Variants in LINC00632 observed in about 807,000 individuals in gnomAD.
The protein encoded by LINC00632 is long independently transcribed non-coding RNA 632, also known as ALDOA related specific transcript.
intron 2 of LINC00632, among the ~76,000 whole-genome samples, chrX:140,720,789 G>A (rs970589572): frequency 1.8e-5 from 2 of 111,835 alleles, no homozygotes; most frequent in Non-Finnish European, 3.8e-5. Flanking sequence ...AACAAAGACT[G>A]GTCCTGAAAA....
At chrX:140,764,680 C>T (rs1464110342) in intron 3 of LINC00632, 1 of 112,043 alleles carries the variant, frequency 8.9e-6, no homozygotes, top group Non-Finnish European at 1.9e-5. Context: ...GATTGCGTGG[C>T]TCGGAGCAGC....
Position 140,717,328 on chromosome X carries a change from T to C in LINC00632, n.104+5672T>C, listed in dbSNP as rs555795405. 1.8e-3 allele frequency among the ~76,000 whole-genome samples: 197 copies of C among 110,372 alleles called. 6 individuals are homozygous for C. In the South Asian group the frequency reaches 0.075, roughly 42 times the overall value. ...CATGCTTGTCCCATAAAGAACTACA[T>C]GCCCCACATCGCCTAAGTTGCCCAT... is the stretch of plus-strand genomic sequence containing the variant. On this transcript the variant is annotated intron_variant and non_coding_transcript_variant, in intron 2 of 4. Transcript: ENST00000648200.
At chrX:140,755,168 C>G (rs1198334207) in intron 3 of LINC00632, among the ~76,000 whole-genome samples, 4 of 112,013 alleles carry the variant, frequency 3.6e-5, no homozygotes, top group Non-Finnish European at 3.8e-5. Context: ...CTTCCTGACA[C>G]TACAGGTGCT....
At chrX:140,723,979 A>G (rs1930834992) in intron 2 of LINC00632, among the ~76,000 whole-genome samples, 1 of 109,715 alleles carries the variant, frequency 9.1e-6, no homozygotes, top group African/African-American at 3.3e-5. Context: ...TTCCATACAC[A>G]CACACATTCC....
At chrX:140,712,183 C>CA (rs984501847) in intron 2 of LINC00632, 4 of 109,950 alleles carry the variant, frequency 3.6e-5, no homozygotes, top group African/African-American at 9.9e-5. Flanking sequence ...TTGTGCGTTT[C>CA]AAAAATCCTA....
intron 2 of LINC00632, among the ~76,000 whole-genome samples, chrX:140,733,428 C>T (rs1931092736): frequency 8.9e-6 from 1 of 111,991 alleles, no homozygotes; most frequent in Non-Finnish European, 1.9e-5. Flanking sequence ...AGCTCCATCA[C>T]TTACTAGTTC....
chrX:140,740,917 C>T (rs1602742491), intron 3 of LINC00632, among the ~76,000 whole-genome samples: 1 of 112,090 alleles, frequency 8.9e-6, no homozygotes, highest in Admixed American at 9.5e-5. Flanking sequence ...TTCTTGCTGT[C>T]AGCTCATAAC....
intron 3 of LINC00632, among the ~76,000 whole-genome samples, chrX:140,759,472 T>C (rs1003309777): frequency 9.1e-6 from 1 of 109,811 alleles, no homozygotes; most frequent in African/African-American, 3.3e-5. Context: ...TTCTCCCGCC[T>C]CAGCCTCCAG....
exon 5 of LINC00632, among the ~76,000 whole-genome samples, chrX:140,787,030 T>C (rs1224582388): frequency 2.7e-5 from 3 of 111,851 alleles, no homozygotes; most frequent in Middle Eastern, 4.7e-3. Context: ...TTTTCTTCTA[T>C]ATATTCTTTT....
chrX:140,741,164 A>G (rs1211931403), intron 3 of LINC00632, among the ~76,000 whole-genome samples: 3 of 112,320 alleles, frequency 2.7e-5, no homozygotes, highest in Non-Finnish European at 5.6e-5. Context: ...TTCCAGTGAA[A>G]GTACATTGTG....
At chrX:140,716,710 C>T (rs1005108996) in intron 2 of LINC00632, among the ~76,000 whole-genome samples, 2 of 108,468 alleles carry the variant, frequency 1.8e-5, no homozygotes, top group African/African-American at 6.7e-5. Flanking sequence ...ACACATCCCA[C>T]AATACCCAGA....
intron 3 of LINC00632, among the ~76,000 whole-genome samples, chrX:140,750,623 G>A (rs964109006): frequency 4.1e-4 from 46 of 110,983 alleles, no homozygotes; most frequent in African/African-American, 1.5e-3. Context: ...ATTGATAGAG[G>A]ACTGTTTTTT....
intron 3 of LINC00632, chrX:140,772,043 C>T (rs959123955): frequency 2.9e-5 from 8 of 279,925 alleles, no homozygotes; most frequent in East Asian, 1.5e-4. Context: ...CTGTTCCTGA[C>T]CTCATTTCCT....
intron 2 of LINC00632, among the ~76,000 whole-genome samples, chrX:140,723,232 CACACATTCCATACACAGACACAG>C (rs1930763210): frequency 2.0e-5 from 1 of 51,021 alleles, no homozygotes; most frequent in South Asian, 9.2e-4. Flanking sequence ...TTCCATGATA[CACACATTCCATACACAGACACAG>C]ACACATTCCA....
intron 3 of LINC00632, among the ~76,000 whole-genome samples, chrX:140,761,146 T>G (rs1375590409): frequency 1.8e-5 from 2 of 112,442 alleles, no homozygotes; most frequent in Non-Finnish European, 3.8e-5. Context: ...CTCCTTGTAG[T>G]TTTGGACACA....
At chrX:140,783,915 C>T (rs752950751) in exon 5 of LINC00632, 6 of 1,207,365 alleles carry the variant, frequency 5.0e-6, no homozygotes, top group South Asian at 1.8e-5. Context: ...TGAAAATCTA[C>T]GTCTTCCAAA....
intron 3 of LINC00632, among the ~76,000 whole-genome samples, chrX:140,744,633 G>A (rs1322363322): frequency 4.7e-5 from 5 of 106,696 alleles, no homozygotes; most frequent in Middle Eastern, 4.8e-3. Flanking sequence ...GTAGTGGTGC[G>A]ATCTTGGCTC....
At chrX:140,720,402 C>G (rs1166279824) in intron 2 of LINC00632, among the ~76,000 whole-genome samples, 1 of 111,324 alleles carries the variant, frequency 9.0e-6, no homozygotes, top group Non-Finnish European at 1.9e-5. Context: ...CCTAGAATGA[C>G]CCCCCAGAAA....
chrX:140,776,431 C>A (rs1314423151), exon 5 of LINC00632, among the ~76,000 whole-genome samples: 1 of 112,953 alleles, frequency 8.9e-6, no homozygotes, highest in African/African-American at 3.2e-5. Flanking sequence ...GCCCTCCACA[C>A]AAGGGTTTGT....
Sources: gnomAD v4.1 joint callset for allele counts (sites outside exome capture counted in the v4.1 genomes callset) on GRCh38, gnomAD v4.1.1 for gene constraint, MANE v1.5 for transcripts, NCBI Gene and HGNC (gene_info 2026-07-23, HGNC 2026-07-21) for gene names.